The following SAMD3 variants were observed in gnomAD, a reference collection of about 807,000 sequenced individuals.
SAMD3 encodes sterile alpha motif domain-containing protein 3.
SAMD3 carries 63 observed loss-of-function variants against 58.5 expected under a neutral mutation model. That is an observed-to-expected ratio of 1.08 (90% CI 0.88 to 1.33). SAMD3 has a LOEUF of 1.33. SAMD3 is among the 40% of genes most tolerant of loss of function. SAMD3 has a pLI of 0.00. For missense variants in SAMD3, 604 were observed against 608.4 expected, an observed-to-expected ratio of 0.99 and a Z score of 0.08; for synonymous variants, 220 against 210.3, an observed-to-expected ratio of 1.05 and a Z score of -0.40.
At chr6:130,173,189 C>T (rs1472953548) in intron 8 of SAMD3, among the ~76,000 whole-genome samples, 1 of 152,082 alleles carries the variant, frequency 6.6e-6, no homozygotes. Context: ...CTTCTGAAGC[C>T]GTCATCAATC....
At chr6:130,311,705 G>T (rs748250049) in intron 2 of SAMD3, among the ~76,000 whole-genome samples, 18 of 152,022 alleles carry the variant, frequency 1.2e-4, no homozygotes, top group Non-Finnish European at 2.4e-4. Flanking sequence ...GGATATAAGA[G>T]TCTTCTGGGA....
chr6:130,284,279 A>C (rs1244117293), intron 2 of SAMD3, among the ~76,000 whole-genome samples: 1 of 152,248 alleles, frequency 6.6e-6, no homozygotes, highest in African/African-American at 2.4e-5. Flanking sequence ...TTATTAGAAG[A>C]AGGTTAGAAT....
intron 1 of SAMD3, among the ~76,000 whole-genome samples, chr6:130,359,575 T>G (rs560758208): frequency 6.6e-6 from 1 of 152,220 alleles, no homozygotes; most frequent in Admixed American, 6.5e-5. Context: ...ATCCTTATTT[T>G]ATATCACCAT....
chr6:130,327,183 T>A (rs1222697340), intron 1 of SAMD3, among the ~76,000 whole-genome samples: 1 of 152,190 alleles, frequency 6.6e-6, no homozygotes, highest in Non-Finnish European at 1.5e-5. Flanking sequence ...TGGACAGCTA[T>A]AAATCAATGA....
intron 7 of SAMD3, chr6:130,176,209 T>C (rs751076097): frequency 1.5e-6 from 1 of 646,336 alleles, no homozygotes; most frequent in South Asian, 1.7e-5. Context: ...TTATAAACCC[T>C]AAGTTATAGG....
At chr6:130,329,508 G>A (rs932561659) in intron 1 of SAMD3, among the ~76,000 whole-genome samples, 12 of 152,078 alleles carry the variant, frequency 7.9e-5, no homozygotes, top group Non-Finnish European at 1.8e-4. Flanking sequence ...ACAGTGTGGC[G>A]ATTCCTCAAG....
chr6:130,178,462 A>G (rs35570259), intron 7 of SAMD3, among the ~76,000 whole-genome samples: 14,487 of 152,114 alleles, frequency 0.095, 1,099 homozygotes, highest in African/African-American at 0.21. Context: ...GTAAGTCGCC[A>G]AATGGCTTTG....
At chr6:130,324,303 C>A (rs910722789) in intron 1 of SAMD3, among the ~76,000 whole-genome samples, 1 of 152,102 alleles carries the variant, frequency 6.6e-6, no homozygotes, top group African/African-American at 2.4e-5. Flanking sequence ...ATATTTAGTG[C>A]TTTTTTCTCC....
rs529426485 is a variant in SAMD3, at chr6:130,304,794, C to T, written c.-188+8184G>A. ...ATATTGAGTCTTTCTAAAAAGATGG[C>T]GTATCACTCTACTTATTTAGGTATT... On this transcript the variant is annotated intron_variant, in intron 2 of 13. Coordinates refer to the SAMD3 transcript ENST00000368134. Among the ~76,000 whole-genome samples the T allele has an allele frequency of 1.7e-3, 261 of 152,022 alleles. 1 individual carries two copies. Among genetic ancestry groups the T allele is most frequent in the South Asian group, 6.0e-3 (29 of 4,818 alleles).
chr6:130,358,726 T>TACACACACAC (rs3029958), intron 1 of SAMD3, among the ~76,000 whole-genome samples: 1 of 144,596 alleles, frequency 6.9e-6, no homozygotes, highest in South Asian at 2.3e-4. Context: ...CACTATGTCT[T>TACACACACAC]ACACACACAC....
chr6:130,297,442 G>C (rs1303214735), intron 2 of SAMD3, among the ~76,000 whole-genome samples: 1 of 152,186 alleles, frequency 6.6e-6, no homozygotes, highest in African/African-American at 2.4e-5. Context: ...CCTCAGATGA[G>C]AAGGAATCAG....
intron 2 of SAMD3, among the ~76,000 whole-genome samples, chr6:130,272,650 G>A (rs1774607031): frequency 6.6e-6 from 1 of 152,170 alleles, no homozygotes; most frequent in Non-Finnish European, 1.5e-5. Context: ...TTGCATGCAA[G>A]GTGGGATTAG....
At position 130,164,091 on chromosome 6, in the gene SAMD3, A is replaced by AC. The variant is rs576017434; in HGVS notation, c.823-9067_823-9066insG. Among the ~76,000 whole-genome samples, 288 of 151,914 alleles carry AC rather than the reference A, an allele frequency of 1.9e-3. 2 individuals are homozygous for AC. The highest frequency in any genetic ancestry group is 6.8e-3 in the African/African-American group (283 of 41,444). ...CCTACACATAAAGTAGGTTGAAAAA[A>AC]AAAAAAAAAGAGGCACAAGTTAACC... On this transcript the variant is annotated intron_variant, in intron 8 of 11. Coordinates refer to ENST00000439090, the MANE Select transcript of SAMD3 (RefSeq NM_001017373.4).
intron 5 of SAMD3, among the ~76,000 whole-genome samples, chr6:130,188,200 T>C (rs907154254): frequency 6.6e-6 from 1 of 152,136 alleles, no homozygotes; most frequent in African/African-American, 2.4e-5. Flanking sequence ...AAAGAGCATA[T>C]GGTATACTCT....
At chr6:130,166,294 C>T (rs138430435) in intron 8 of SAMD3, among the ~76,000 whole-genome samples, 477 of 152,196 alleles carry the variant, frequency 3.1e-3, no homozygotes, top group Non-Finnish European at 4.5e-3. Flanking sequence ...GCATATCTTC[C>T]ACTGGGCAAC....
chr6:130,346,171 A>C (rs1777443999), intron 1 of SAMD3, among the ~76,000 whole-genome samples: 1 of 152,242 alleles, frequency 6.6e-6, no homozygotes, highest in Admixed American at 6.5e-5. Context: ...TGATTTCTGC[A>C]TTTCCAACTG....
chr6:130,272,153 A>AT (rs1450068650), intron 2 of SAMD3, among the ~76,000 whole-genome samples: 1 of 152,162 alleles, frequency 6.6e-6, no homozygotes, highest in African/African-American at 2.4e-5. Flanking sequence ...CTTGTAAGTT[A>AT]TTTTTGTGAA....
downstream of SAMD3, chr6:130,142,985 T>C (rs1788352350): frequency 6.6e-6 from 1 of 152,170 alleles, no homozygotes; most frequent in African/African-American, 2.4e-5. Context: ...TTAGGCAAAA[T>C]GACTTGTGCC....
At chr6:130,195,971 C>T (rs149658061) in intron 5 of SAMD3, among the ~76,000 whole-genome samples, 93 of 152,300 alleles carry the variant, frequency 6.1e-4, no homozygotes, top group African/African-American at 2.0e-3. Context: ...CCTTTCCCCA[C>T]TCGTTTTTCT....
Sources: gnomAD v4.1 joint callset for allele counts (sites outside exome capture counted in the v4.1 genomes callset) on GRCh38, gnomAD v4.1.1 for gene constraint, MANE v1.5 for transcripts, NCBI Gene and HGNC (gene_info 2026-07-23, HGNC 2026-07-21) for gene names.